The following PCDH15 variants were observed in gnomAD, a reference collection of about 807,000 sequenced individuals.
The protein encoded by PCDH15 is protocadherin related 15.
A neutral mutation model predicts 178.5 loss-of-function variants in PCDH15; 129 were observed. That is an observed-to-expected ratio of 0.72 (90% confidence interval 0.63 to 0.84). PCDH15 has a LOEUF of 0.84. PCDH15 is among the 40% of genes least tolerant of loss of function. The probability of loss-of-function intolerance (pLI) is 0.00; values close to 1 mark genes in which losing one functional copy is unlikely to be tolerated. For missense variants in PCDH15, 2,230 were observed against 2,099.9 expected (o/e 1.06, Z -1.21); for synonymous variants, 800 against 732.0 (o/e 1.09, Z -1.50).
At chr10:54,674,188 A>T (rs1342257556) in intron 1 of PCDH15, among the ~76,000 whole-genome samples, 1 of 152,192 alleles carries the variant, frequency 6.6e-6, no homozygotes, top group Non-Finnish European at 1.5e-5. Context: ...ACTGAACTGC[A>T]ACTGTTTCAT....
chr10:54,117,729 CCA>C (rs529831068), intron 15 of PCDH15, among the ~76,000 whole-genome samples: 166 of 152,230 alleles, frequency 1.1e-3, no homozygotes, highest in African/African-American at 3.6e-3. Flanking sequence ...GAGAGGAGAT[CCA>C]CAGTGGGTGG....
intron 7 of PCDH15, among the ~76,000 whole-genome samples, chr10:54,327,148 A>T (rs2133846228): frequency 6.6e-6 from 1 of 151,174 alleles, no homozygotes; most frequent in South Asian, 2.1e-4. Flanking sequence ...AGAATCTTTT[A>T]CCTTGCATTT....
At chr10:55,287,866 T>C (rs1842910430) in intron 1 of PCDH15, among the ~76,000 whole-genome samples, 1 of 151,922 alleles carries the variant, frequency 6.6e-6, no homozygotes, top group Admixed American at 6.6e-5. Context: ...TTCTCATATT[T>C]CAGCCACACC....
Position 54,537,290 on chromosome 10 carries a change from C to T in PCDH15, c.92-9413G>A, listed in dbSNP as rs1015885608. On this transcript the variant is annotated intron_variant, in intron 2 of 37. Transcript: ENST00000644397. ...CTGGGATTACAGGCCTGAGCCAACG[C>T]GACCGGCCGCAATTTGTTTTCTTTT... Among the ~76,000 whole-genome samples, 5 of 152,140 alleles carry T rather than the reference C, an allele frequency of 3.3e-5. No individual in the cohort carries two copies. In the South Asian group the frequency reaches 1.0e-3, roughly 32 times the overall value.
At chr10:55,302,994 C>G (rs549568386) in intron 1 of PCDH15, among the ~76,000 whole-genome samples, 1 of 151,914 alleles carries the variant, frequency 6.6e-6, no homozygotes, top group Non-Finnish European at 1.5e-5. Context: ...TACTACAACA[C>G]AAAGTTAACA....
intron 1 of PCDH15, among the ~76,000 whole-genome samples, chr10:55,264,177 C>A (rs1249176545): frequency 1.3e-5 from 2 of 152,074 alleles, no homozygotes; most frequent in African/African-American, 4.8e-5. Context: ...TAAAAACAGC[C>A]CCTAAAATAC....
intron 1 of PCDH15, among the ~76,000 whole-genome samples, chr10:54,698,370 G>A (rs868377552): frequency 6.6e-6 from 1 of 152,090 alleles, no homozygotes; most frequent in Non-Finnish European, 1.5e-5. Flanking sequence ...TTGACAGAAT[G>A]TTGCCTTGGG....
At chr10:54,583,579 G>A (rs1361700554) in intron 2 of PCDH15, among the ~76,000 whole-genome samples, 2 of 151,974 alleles carry the variant, frequency 1.3e-5, no homozygotes, top group African/African-American at 4.8e-5. Flanking sequence ...GACCTGTAGG[G>A]TTAATGGTAT....
At chr10:54,194,417 C>G (rs1213920992) in intron 11 of PCDH15, among the ~76,000 whole-genome samples, 1 of 152,094 alleles carries the variant, frequency 6.6e-6, no homozygotes, top group Non-Finnish European at 1.5e-5. Context: ...CTAGTGGCTA[C>G]TATGTTGGAC....
chr10:53,826,004 T>C (rs1399667387), intron 32 of PCDH15, among the ~76,000 whole-genome samples: 5 of 151,728 alleles, frequency 3.3e-5, no homozygotes. Flanking sequence ...ACATAATTCA[T>C]TAATTTCATA....
rs377443987 is a variant in PCDH15, at chr10:54,617,033, C to T, written c.91+47139G>A. On this transcript the variant is annotated intron_variant, in intron 2 of 37. Transcript: ENST00000644397. Reference sequence around the variant, plus strand: ...TTTCATTGTATCTTTAAAAACATGACGTTTTTATTTTTATTTTTTAATTTT... The same window carrying T: ...TTTCATTGTATCTTTAAAAACATGATGTTTTTATTTTTATTTTTTAATTTT... Among the ~76,000 whole-genome samples the T allele has an allele frequency of 1.6e-4, 24 of 150,800 alleles. No individual in the cohort carries two copies. The East Asian group carries it at 1.8e-3, about 11-fold the overall frequency.
intron 2 of PCDH15, among the ~76,000 whole-genome samples, chr10:54,537,023 C>A (rs1758823): frequency 0.31 from 27,168 of 89,020 alleles, 3,794 homozygotes; most frequent in East Asian, 0.53. Flanking sequence ...TTTTTTGAGA[C>A]GGCGTCTCTC....
At chr10:55,072,921 T>C (rs11527288) in intron 2 of PCDH15, among the ~76,000 whole-genome samples, 72,697 of 147,624 alleles carry the variant, frequency 0.49, 18,670 homozygotes, top group East Asian at 0.74. Context: ...GGCTTCATCC[T>C]TGGGATGCAA....
chr10:54,809,713 C>A (rs1952833274), intron 3 of PCDH15, among the ~76,000 whole-genome samples: 1 of 151,934 alleles, frequency 6.6e-6, no homozygotes, highest in African/African-American at 2.4e-5. Context: ...ATAAGACAGG[C>A]ATGAACAAAG....
intron 3 of PCDH15, among the ~76,000 whole-genome samples, chr10:54,419,518 G>T (rs1382679292): frequency 6.6e-6 from 1 of 151,968 alleles, no homozygotes; most frequent in Non-Finnish European, 1.5e-5. Flanking sequence ...TGATTGATTT[G>T]CTCAACTCAA....
intron 23 of PCDH15, among the ~76,000 whole-genome samples, chr10:53,944,012 A>G (rs1050543491): frequency 6.6e-6 from 1 of 152,182 alleles, no homozygotes; most frequent in Non-Finnish European, 1.5e-5. Flanking sequence ...TCTTGAATAC[A>G]AATGATGGAG....
chr10:55,437,023 T>C (rs1388187991), intron 2 of PCDH15, among the ~76,000 whole-genome samples: 3 of 152,234 alleles, frequency 2.0e-5, no homozygotes, highest in Non-Finnish European at 4.4e-5. Flanking sequence ...TGTTCCCATA[T>C]TTGTGGGTGA....
chr10:53,938,856 G>T lies in PCDH15; in HGVS notation c.3332C>A (p.Ser1111Tyr). ...GAGATTGGCAAGGACCACTTCCAGG[G>T]AATCAGCTTGGACTCGAAGTACATA... is the stretch of plus-strand genomic sequence containing the variant. Reference protein sequence around the residue: ...TSYVLRVQADSLEVVLANLRV... With the variant: ...TSYVLRVQADYLEVVLANLRV... The change falls in exon 25 of 38, where the codon TCC (serine) becomes TAC (tyrosine). Residue 1111 changes from serine (S) to tyrosine (Y), a missense_variant. Ser to Tyr is a moderately radical substitution (Grantham distance 144). Coordinates refer to ENST00000644397, the MANE Select transcript of PCDH15 (RefSeq NM_001384140.1). 1 of 1,613,560 alleles carries T rather than the reference G, an allele frequency of 6.2e-7. No homozygotes were observed. Among genetic ancestry groups the T allele is most frequent in the Non-Finnish European group, 8.5e-7 (1 of 1,179,644 alleles).
chr10:54,251,551 G>A (rs1370748467), intron 8 of PCDH15, among the ~76,000 whole-genome samples: 1 of 152,160 alleles, frequency 6.6e-6, no homozygotes, highest in Non-Finnish European at 1.5e-5. Flanking sequence ...CGTAGAGAGT[G>A]CTTTTTTTAA....
Sources: gnomAD v4.1 joint callset for allele counts (sites outside exome capture counted in the v4.1 genomes callset) on GRCh38, gnomAD v4.1.1 for gene constraint, MANE v1.5 for transcripts, NCBI Gene and HGNC (gene_info 2026-07-23, HGNC 2026-07-21) for gene names.